The following CLCN3 variants were observed in gnomAD, a reference collection of about 807,000 sequenced individuals.
CLCN3 encodes the protein H(+)/Cl(-) exchange transporter 3.
CLCN3 carries 16 observed loss-of-function variants against 83.4 expected under a neutral mutation model. That is an observed-to-expected ratio of 0.19 (90% CI 0.13 to 0.29). The LOEUF (loss-of-function observed/expected upper bound fraction) is 0.29, where lower values mean the gene tolerates loss of function less well. Among genes scored for constraint, CLCN3 ranks in the 10% least tolerant of loss-of-function variants. The probability of loss-of-function intolerance (pLI) is 1.00; values close to 1 mark genes in which losing one functional copy is unlikely to be tolerated. For missense variants in CLCN3, 544 were observed against 1,006.0 expected, an observed-to-expected ratio of 0.54 and a Z score of 6.21; for synonymous variants, 322 against 346.2, an observed-to-expected ratio of 0.93 and a Z score of 0.78.
At chr4:169,653,915 A>G (rs910513519) in intron 2 of CLCN3, among the ~76,000 whole-genome samples, 1 of 152,184 alleles carries the variant, frequency 6.6e-6, no homozygotes, top group African/African-American at 2.4e-5. Flanking sequence ...GTCCACCTCC[A>G]TGAAACAAAC....
intron 2 of CLCN3, among the ~76,000 whole-genome samples, chr4:169,653,955 A>G (rs1730809853): frequency 6.6e-6 from 1 of 152,168 alleles, no homozygotes; most frequent in African/African-American, 2.4e-5. Flanking sequence ...AACACTGGAA[A>G]TCGCATTTCA....
intron 2 of CLCN3, among the ~76,000 whole-genome samples, chr4:169,667,083 G>C (rs1370161683): frequency 6.6e-6 from 1 of 152,024 alleles, no homozygotes; most frequent in East Asian, 1.9e-4. Context: ...TAAAAAACCT[G>C]CCTAACTCAG....
intron 12 of CLCN3, among the ~76,000 whole-genome samples, chr4:169,714,555 C>G (rs1469184793): frequency 6.6e-6 from 1 of 152,078 alleles, no homozygotes; most frequent in Non-Finnish European, 1.5e-5. Context: ...ACTGTCTTTC[C>G]TACTTTAAAA....
rs72694769 is a variant in CLCN3 at position 169,656,961 on chromosome 4, A to C, written c.160+20873A>C. 4.2e-3 allele frequency among the ~76,000 whole-genome samples: 638 copies of C among 152,288 alleles called. 7 individuals are homozygous for C. The highest frequency in any genetic ancestry group is 0.036 in the South Asian group (172 of 4,820). On this transcript the variant is annotated intron_variant, in intron 2 of 12. Transcript: ENST00000513761. ...GTCTCTAAAATAATAAATACAAATA[A>C]AAAATCTTTTCATTATGGAAGAAAT... is the stretch of plus-strand genomic sequence containing the variant.
At chr4:169,629,197 T>C (rs941689183) in intron 1 of CLCN3, among the ~76,000 whole-genome samples, 2 of 152,206 alleles carry the variant, frequency 1.3e-5, no homozygotes, top group Non-Finnish European at 2.9e-5. Flanking sequence ...ACTGTATCAA[T>C]GTCCTTATCT....
intron 10 of CLCN3, among the ~76,000 whole-genome samples, chr4:169,705,088 C>G (rs552609290): frequency 2.6e-5 from 4 of 152,110 alleles, no homozygotes; most frequent in East Asian, 1.9e-4. Flanking sequence ...CAAATATATA[C>G]AAGGTTAAAA....
At chr4:169,684,644 T>C (rs1732084875) in intron 3 of CLCN3, among the ~76,000 whole-genome samples, 3 of 152,162 alleles carry the variant, frequency 2.0e-5, no homozygotes, top group Admixed American at 2.0e-4. Context: ...AAATATAATA[T>C]AGGTACAATC....
intron 11 of CLCN3, among the ~76,000 whole-genome samples, chr4:169,708,248 G>A (rs72696644): frequency 6.6e-6 from 1 of 152,124 alleles, no homozygotes; most frequent in Non-Finnish European, 1.5e-5. Context: ...CAGTGTATGT[G>A]GGGGAGTGTT....
chr4:169,661,231 C>T (rs1170100898), intron 2 of CLCN3, among the ~76,000 whole-genome samples: 3 of 151,746 alleles, frequency 2.0e-5, no homozygotes, highest in African/African-American at 7.3e-5. Context: ...ACAGACTGGT[C>T]GACATTTGTT....
At chr4:169,660,164 C>CA in intron 2 of CLCN3, 1 of 1,136,868 alleles carries the variant, frequency 8.8e-7, no homozygotes, top group Non-Finnish European at 1.1e-6. Context: ...TAGCCACTAG[C>CA]AACCAGGCTG....
At chr4:169,666,855 A>G (rs1731262381) in intron 2 of CLCN3, among the ~76,000 whole-genome samples, 1 of 152,166 alleles carries the variant, frequency 6.6e-6, no homozygotes, top group African/African-American at 2.4e-5. Flanking sequence ...TATCTGTCAC[A>G]TTGTGTTGTT....
intron 2 of CLCN3, among the ~76,000 whole-genome samples, chr4:169,640,200 AC>A (rs533360554): frequency 7.0e-4 from 107 of 152,236 alleles, no homozygotes; most frequent in African/African-American, 2.5e-3. Flanking sequence ...TAGACTCTGT[AC>A]CCCCAACGTA....
rs372719144 is a variant in CLCN3 at position 169,681,777 on chromosome 4, C to T, written c.318+1570C>T. Among the ~76,000 whole-genome samples the T allele has an allele frequency of 2.1e-4, 32 of 152,216 alleles. No homozygotes were observed. The East Asian group carries it at 4.2e-3, about 20-fold the overall frequency. On this transcript the variant is annotated intron_variant, in intron 3 of 12. Transcript: ENST00000513761. ...CATGTTGACATAAATAACATTTTTA[C>T]GAAACTATATTTTCAAAAATTAGTG...
intron 6 of CLCN3, among the ~76,000 whole-genome samples, chr4:169,691,799 G>A (rs1296312453): frequency 6.6e-6 from 1 of 151,784 alleles, no homozygotes. Flanking sequence ...ATTCAAATTT[G>A]CCCTTTTTTT....
At position 169,695,639 on chromosome 4, in the gene CLCN3, G is replaced by C; in HGVS notation, c.964G>C (p.Val322Leu). 1 of 1,613,592 alleles carries C rather than the reference G, an allele frequency of 6.2e-7. No individual in the cohort carries two copies. The highest frequency in any genetic ancestry group is 8.5e-7 in the Non-Finnish European group (1 of 1,179,706). ...EVLSAASAAG[V>L]SVAFGAPIGG... is the part of the protein sequence containing the mutation. The stretch of plus-strand genomic sequence containing the variant: ...GCTATCAGCTGCCTCAGCTGCAGGG[G>C]TTTCTGTAGCTTTTGGTGCACCAAT... Residue 322 changes from valine to leucine, a missense_variant, in exon 8 of 13, where the codon GTT (valine) becomes CTT (leucine). Physicochemically the swap from Val to Leu is conservative, Grantham distance 32. Transcript: ENST00000513761.
intron 11 of CLCN3, among the ~76,000 whole-genome samples, chr4:169,712,736 G>C (rs1188827726): frequency 2.0e-5 from 3 of 152,186 alleles, no homozygotes; most frequent in African/African-American, 7.2e-5. Context: ...ACTGCGCTCA[G>C]AATTTGTGCA....
chr4:169,656,293 G>T (rs528744152), intron 2 of CLCN3, among the ~76,000 whole-genome samples: 1 of 152,304 alleles, frequency 6.6e-6, no homozygotes, highest in South Asian at 2.1e-4. Context: ...TTCTGGGGAG[G>T]CCTCAGGAAA....
chr4:169,661,249 A>G (rs1311591774), intron 2 of CLCN3, among the ~76,000 whole-genome samples: 2 of 152,240 alleles, frequency 1.3e-5, no homozygotes, highest in African/African-American at 4.8e-5. Flanking sequence ...GTTGTCCTAG[A>G]AAAAAATTGA....
intron 2 of CLCN3, among the ~76,000 whole-genome samples, chr4:169,670,871 A>C (rs58995829): frequency 0.013 from 1,954 of 152,274 alleles, 37 homozygotes; most frequent in African/African-American, 0.044. Context: ...ATCATTAGAG[A>C]AATGAAAATC....
Sources: gnomAD v4.1 joint callset for allele counts (sites outside exome capture counted in the v4.1 genomes callset) on GRCh38, gnomAD v4.1.1 for gene constraint, MANE v1.5 for transcripts, NCBI Gene and HGNC (gene_info 2026-07-23, HGNC 2026-07-21) for gene names.